HIPK2: variants seen among roughly 807,000 people sequenced by gnomAD.
HIPK2 encodes the protein homeodomain-interacting protein kinase 2.
Under a neutral mutation model 113.7 loss-of-function variants are expected in HIPK2, and 27 were observed. That is an observed-to-expected ratio of 0.24 (90% CI 0.17 to 0.33). The LOEUF (loss-of-function observed/expected upper bound fraction) is 0.33. HIPK2 is among the 10% of genes least tolerant of loss of function. The pLI is 1.00. For synonymous variants in HIPK2, 631 were observed against 642.2 expected, an observed-to-expected ratio of 0.98 and a Z score of 0.26; for missense variants, 1,257 against 1,588.0, an observed-to-expected ratio of 0.79 and a Z score of 3.54.
chr7:139,688,113 C>T (rs776362636), intron 2 of HIPK2, among the ~76,000 whole-genome samples: 5 of 152,058 alleles, frequency 3.3e-5, no homozygotes, highest in Non-Finnish European at 7.4e-5. Context: ...ACACACGCAG[C>T]CCATTGGGCC....
intron 1 of HIPK2, among the ~76,000 whole-genome samples, chr7:139,717,536 G>A (rs1472878506): frequency 6.6e-6 from 1 of 152,084 alleles, no homozygotes; most frequent in Admixed American, 6.6e-5. Context: ...ATTACCAGCT[G>A]GCATCTTTGT....
At position 139,776,009 on chromosome 7, in the gene HIPK2, A is replaced by G. The variant is rs555235361; in HGVS notation, c.19+1596T>C. Among the ~76,000 whole-genome samples, 9 of 152,298 alleles carry G rather than the reference A, an allele frequency of 5.9e-5. No homozygotes were observed. The South Asian group carries it at 1.9e-3, about 32-fold the overall frequency. ...GGAGTCTCAAGGAGGTACTTAATAA[A>G]GAGAAAATTGTTTCATTTTAACACT... On this transcript the variant is annotated intron_variant, in intron 1 of 14. Coordinates refer to ENST00000406875, the MANE Select transcript of HIPK2 (RefSeq NM_022740.5).
chr7:139,619,295 GAAGTC>G (rs749610760), intron 7 of HIPK2, among the ~76,000 whole-genome samples: 11 of 152,192 alleles, frequency 7.2e-5, no homozygotes, highest in Non-Finnish European at 1.2e-4. Context: ...CATCCACACA[GAAGTC>G]TTTTCATTCC....
Position 139,608,205 on chromosome 7 carries a change from C to CTGCA in HIPK2, c.2113-3986_2113-3983dup, listed in dbSNP as rs200169247. The stretch of plus-strand genomic sequence containing the variant: ...GTTACAGTGAGCTGAGATTGCACCA[C>CTGCA]TGCACTCCAGCCTGGTGGCAGAGCA... On this transcript the variant is annotated intron_variant, in intron 9 of 14. Transcript: ENST00000406875. Among the ~76,000 whole-genome samples the CTGCA allele has an allele frequency of 9.7e-3, 1,474 of 151,458 alleles. 25 individuals carry two copies. The highest frequency in any genetic ancestry group is 0.034 in the African/African-American group (1,383 of 41,238).
At chr7:139,579,766 G>A (rs892995198) in intron 13 of HIPK2, among the ~76,000 whole-genome samples, 4 of 152,146 alleles carry the variant, frequency 2.6e-5, no homozygotes, top group African/African-American at 9.7e-5. Context: ...GTGGGGATGG[G>A]GGCAGTGGGT....
At chr7:139,775,502 C>T (rs1293680010) in intron 1 of HIPK2, among the ~76,000 whole-genome samples, 1 of 151,998 alleles carries the variant, frequency 6.6e-6, no homozygotes, top group Admixed American at 6.5e-5. Flanking sequence ...TATAAAGGTG[C>T]ACAGATAAAC....
In HIPK2 at chr7:139,608,252, C is replaced by CGTGTGTGTGTGT. The variant is rs55989071; in HGVS notation, c.2113-4041_2113-4030dup. On this transcript the variant is annotated intron_variant, in intron 9 of 14. Transcript: ENST00000406875. ...AGCAAGGCTATGTCTCAAAAAAATA[C>CGTGTGTGTGTGT]GTGTGTGTGTGTGTGTGTGTGTGTG... is the stretch of plus-strand genomic sequence containing the variant. 6.9e-3 allele frequency among the ~76,000 whole-genome samples: 942 copies of CGTGTGTGTGTGT among 136,970 alleles called. 6 individuals are homozygous for CGTGTGTGTGTGT. Among genetic ancestry groups the CGTGTGTGTGTGT allele is most frequent in the Middle Eastern group, 0.011 (3 of 278 alleles). 89.9% of individuals were successfully genotyped at this position (136,970 alleles called of 152,430 possible). A position where few individuals can be genotyped will look rare whatever the true frequency, so the allele number is the denominator to read the frequency against.
chr7:139,580,330 A>G (rs367637539), intron 13 of HIPK2, among the ~76,000 whole-genome samples: 6 of 152,330 alleles, frequency 3.9e-5, no homozygotes. Flanking sequence ...TGATGCTACC[A>G]TCATCATGGG....
chr7:139,671,519 G>A (rs1240071713), intron 2 of HIPK2, among the ~76,000 whole-genome samples: 1 of 152,086 alleles, frequency 6.6e-6, no homozygotes, highest in African/African-American at 2.4e-5. Flanking sequence ...GTACCAAAAT[G>A]GATTAGACTC....
intron 12 of HIPK2, among the ~76,000 whole-genome samples, chr7:139,595,241 G>A (rs964730195): frequency 2.0e-5 from 3 of 152,340 alleles, no homozygotes; most frequent in African/African-American, 4.8e-5. Flanking sequence ...GGCTACCCAC[G>A]TGTGGGTGGC....
At chr7:139,661,940 T>C (rs931174183) in intron 2 of HIPK2, among the ~76,000 whole-genome samples, 3 of 152,232 alleles carry the variant, frequency 2.0e-5, no homozygotes, top group South Asian at 4.1e-4. Context: ...CCAGAGTCTT[T>C]TAATATTATT....
At position 139,568,868 on chromosome 7, in the gene HIPK2, G is replaced by C. The variant is rs1423400489; in HGVS notation, c.*4059C>G. ...AGAGGAGGCCATTGGGTGAGGACTA[G>C]GAGAATGTGCACTAATGTTTGCTGA... On this transcript the variant is annotated 3_prime_UTR_variant, in exon 15 of 15. Transcript: ENST00000406875. 1 of 152,336 alleles carries C rather than the reference G, an allele frequency of 6.6e-6. No homozygotes were observed. The highest frequency in any genetic ancestry group is 1.5e-5 in the Non-Finnish European group (1 of 68,126). 9.4% of individuals were successfully genotyped at this position (152,336 alleles called of 1,614,324 possible). A position where few individuals can be genotyped will look rare whatever the true frequency, so the allele number is the denominator to read the frequency against.
intron 2 of HIPK2, among the ~76,000 whole-genome samples, chr7:139,635,397 C>T (rs1800776633): frequency 6.6e-6 from 1 of 152,188 alleles, no homozygotes; most frequent in Non-Finnish European, 1.5e-5. Context: ...CTGTTCCTAA[C>T]CCACGGAAAC....
Position 139,594,398 on chromosome 7 carries a change from A to C in HIPK2, c.2717+2319T>G, listed in dbSNP as rs537502080. Among the ~76,000 whole-genome samples the C allele has an allele frequency of 2.6e-5, 4 of 152,312 alleles. No homozygotes were observed. The South Asian group carries it at 8.3e-4, about 32-fold the overall frequency. On this transcript the variant is annotated intron_variant, in intron 12 of 14. Coordinates refer to ENST00000406875, the MANE Select transcript of HIPK2 (RefSeq NM_022740.5). The stretch of plus-strand genomic sequence containing the variant: ...ACACTAGTGGGGCCAATAAATACTG[A>C]CTGTGTTAAATTTTATGATAATTCT...
At chr7:139,623,517 CAAAAAAAAAAA>C (rs771370297) in intron 6 of HIPK2, among the ~76,000 whole-genome samples, 1 of 74,100 alleles carries the variant, frequency 1.3e-5, no homozygotes, top group Non-Finnish European at 3.1e-5. Flanking sequence ...GACTCTACTT[CAAAAAAAAAAA>C]AAAAAAAAAA....
chr7:139,649,234 T>C (rs563563410), intron 2 of HIPK2, among the ~76,000 whole-genome samples: 12 of 152,096 alleles, frequency 7.9e-5, no homozygotes, highest in African/African-American at 2.9e-4. Flanking sequence ...CCTGACTCGG[T>C]GACCACTGCT....
In HIPK2 at chr7:139,670,593, G is replaced by A. The variant is rs1802230419; in HGVS notation, c.1104-38868C>T. On this transcript the variant is annotated intron_variant, in intron 2 of 14. Transcript: ENST00000406875. ...AAGACCCTGTCTTGAAAAAAAAAAA[G>A]AACAAAAAAAGTGAAGGAAAAATAA... 2.0e-5 allele frequency among the ~76,000 whole-genome samples: 3 copies of A among 147,866 alleles called. No homozygotes were observed. The South Asian group carries it at 6.4e-4, about 32-fold the overall frequency.
chr7:139,696,686 T>C (rs1366297676), intron 2 of HIPK2, among the ~76,000 whole-genome samples: 3 of 152,002 alleles, frequency 2.0e-5, no homozygotes, highest in East Asian at 1.9e-4. Flanking sequence ...TTCCTCTAAA[T>C]GGCAGCACAA....
At chr7:139,675,982 T>A (rs12707449) in intron 2 of HIPK2, among the ~76,000 whole-genome samples, 77,479 of 152,016 alleles carry the variant, frequency 0.51, 20,964 homozygotes, top group Non-Finnish European at 0.6. Flanking sequence ...TTCCTAAACC[T>A]TACATATCTC....
Sources: gnomAD v4.1 joint callset for allele counts (sites outside exome capture counted in the v4.1 genomes callset) on GRCh38, gnomAD v4.1.1 for gene constraint, MANE v1.5 for transcripts, NCBI Gene and HGNC (gene_info 2026-07-23, HGNC 2026-07-21) for gene names.